PAPPA2: variants seen among roughly 807,000 people sequenced by gnomAD.
PAPPA2 encodes pappalysin 2.
PAPPA2 carries 86 observed loss-of-function variants against 176.4 expected under a neutral mutation model. The observed-to-expected ratio is 0.49, with a 90% CI of 0.41 to 0.58. The LOEUF is 0.58. PAPPA2 is among the 20% of genes least tolerant of loss of function. The pLI is 0.00. For synonymous variants in PAPPA2, 809 were observed against 852.2 expected (o/e 0.95, Z 0.88); for missense variants, 2,073 against 2,256.9 (o/e 0.92, Z 1.65).
In PAPPA2 at chr1:176,715,262, C is replaced by T. The variant is rs143299737; in HGVS notation, c.3798+3281C>T. Among the ~76,000 whole-genome samples, 52 of 152,274 alleles carry T rather than the reference C, an allele frequency of 3.4e-4. 1 individual carries two copies. The highest frequency in any genetic ancestry group is 6.8e-3 in the Middle Eastern group (2 of 294). On this transcript the variant is annotated intron_variant, in intron 12 of 22. Coordinates refer to ENST00000367662, the MANE Select transcript of PAPPA2 (RefSeq NM_020318.3). ...ACTCTAGTTGCCAAGTTCCCAAGGT[C>T]GCAGCAAGGTAAATGGGATTCCACT...
intron 12 of PAPPA2, among the ~76,000 whole-genome samples, chr1:176,734,122 TAC>T (rs1267925284): frequency 1.3e-5 from 2 of 152,114 alleles, no homozygotes; most frequent in African/African-American, 2.4e-5. Context: ...CAGTATCCAA[TAC>T]AAATTTGACT....
intron 1 of PAPPA2, among the ~76,000 whole-genome samples, chr1:176,554,926 AG>A (rs905811218): frequency 1.2e-4 from 18 of 151,786 alleles, no homozygotes; most frequent in African/African-American, 4.1e-4. Flanking sequence ...GATCCCTAAA[AG>A]GTTAGTGTGG....
intron 4 of PAPPA2, among the ~76,000 whole-genome samples, chr1:176,673,616 T>G (rs1659131454): frequency 1.3e-5 from 2 of 152,132 alleles, no homozygotes; most frequent in African/African-American, 4.8e-5. Flanking sequence ...TTGATAAGAA[T>G]TGTTGGGCTG....
At chr1:176,614,363 A>G (rs1017845126) in intron 3 of PAPPA2, among the ~76,000 whole-genome samples, 8 of 152,210 alleles carry the variant, frequency 5.3e-5, no homozygotes, top group African/African-American at 1.9e-4. Context: ...TGGGCCACGT[A>G]CTGTCTTGTA....
In PAPPA2 at chr1:176,789,816, C is replaced by T. The variant is rs1050717020; in HGVS notation, c.4723C>T (p.Leu1575=). 1.9e-6 allele frequency: 3 copies of T among 1,613,438 alleles called. No individual in the cohort carries two copies. In the African/African-American group the frequency reaches 4.0e-5, roughly 22 times the overall value. ...TGTTTTATGTTTTATCAGCAAGCTC[C>T]TGAAGATACAATGCCTGGAAGGTGG... The part of the protein sequence containing the change: ...SAEGKVRNKL[L]KIQCLEGGIW... Residue 1575 remains leucine, a synonymous_variant, in exon 18 of 23, where the codon CTG becomes TTG. Coordinates refer to ENST00000367662, the MANE Select transcript of PAPPA2 (RefSeq NM_020318.3).
chr1:176,767,693 G>T (rs1005352735), intron 15 of PAPPA2, among the ~76,000 whole-genome samples: 1 of 152,172 alleles, frequency 6.6e-6, no homozygotes, highest in African/African-American at 2.4e-5. Flanking sequence ...GTTAGAGCCA[G>T]ACTTGCAGGC....
chr1:176,580,242 T>C (rs555044593), intron 2 of PAPPA2, among the ~76,000 whole-genome samples: 1 of 152,340 alleles, frequency 6.6e-6, no homozygotes, highest in East Asian at 1.9e-4. Context: ...CTTCTGCATA[T>C]GAATGAGAAC....
chr1:176,535,216 G>T (rs1650007081), intron 1 of PAPPA2, among the ~76,000 whole-genome samples: 1 of 152,152 alleles, frequency 6.6e-6, no homozygotes, highest in African/African-American at 2.4e-5. Context: ...CTTACTGCTG[G>T]CTAGAATGTG....
intron 4 of PAPPA2, among the ~76,000 whole-genome samples, chr1:176,681,884 T>C (rs1201353745): frequency 6.6e-6 from 1 of 152,152 alleles, no homozygotes; most frequent in Non-Finnish European, 1.5e-5. Context: ...GTGAGCGGTC[T>C]GTGAATGTTC....
intron 3 of PAPPA2, among the ~76,000 whole-genome samples, chr1:176,605,302 T>A (rs1430827940): frequency 6.6e-6 from 1 of 152,204 alleles, no homozygotes; most frequent in Non-Finnish European, 1.5e-5. Context: ...GGCACTTTAG[T>A]TAGGATTTTG....
At chr1:176,530,707 T>G (rs1649761897) in intron 1 of PAPPA2, among the ~76,000 whole-genome samples, 1 of 152,154 alleles carries the variant, frequency 6.6e-6, no homozygotes, top group Admixed American at 6.5e-5. Flanking sequence ...TCTGTGGTCT[T>G]GGAAAAATCA....
At position 176,582,628 on chromosome 1, in the gene PAPPA2, G is replaced by GT. The variant is rs540260197; in HGVS notation, c.920-11887dup. On this transcript the variant is annotated intron_variant, in intron 2 of 22. Coordinates refer to ENST00000367662, the MANE Select transcript of PAPPA2 (RefSeq NM_020318.3). Reference sequence around the variant, plus strand: ...TGAATCCCACTTGATCATAGTGTATGTTTTTTTTTATGTGCTGTTAGATTT... The same window carrying GT: ...TGAATCCCACTTGATCATAGTGTATGTTTTTTTTTTATGTGCTGTTAGATTT... 1.9e-4 allele frequency among the ~76,000 whole-genome samples: 28 copies of GT among 144,706 alleles called. No homozygotes were observed. In the East Asian group the frequency reaches 2.1e-3, roughly 11 times the overall value. The allele number at this position is 144,706 out of a possible 152,430, so 94.9% of individuals were successfully genotyped here.
chr1:176,527,100 C>T (rs992011034), intron 1 of PAPPA2, among the ~76,000 whole-genome samples: 1 of 152,182 alleles, frequency 6.6e-6, no homozygotes, highest in Non-Finnish European at 1.5e-5. Context: ...GCATGAGCCA[C>T]TATGCGTGTC....
rs752394427 is a variant in PAPPA2, at chr1:176,595,090, C to T, written c.1486C>T (p.Pro496Ser). 6.2e-6 allele frequency: 10 copies of T among 1,614,136 alleles called. No homozygotes were observed. Among genetic ancestry groups the T allele is most frequent in the Non-Finnish European group, 8.5e-6 (10 of 1,180,018 alleles). Residue 496 changes from proline (P) to serine (S), a missense_variant, in exon 3 of 23, where the codon CCC (proline) becomes TCC (serine). Physicochemically the swap from Pro to Ser is moderately conservative, Grantham distance 74. Around this residue, in one of 4 missense-constraint regions of PAPPA2, gnomAD observed 1,196 missense variants for 1,330.4 expected, o/e 0.90. Coordinates refer to ENST00000367662, the MANE Select transcript of PAPPA2 (RefSeq NM_020318.3). ...GCCTGAGATTCTGTCGCCTTTGCAG[C>T]CCCCACTCTGTGGGCAAACAGTCTG... is the stretch of plus-strand genomic sequence containing the variant. ...PEPEILSPLQPPLCGQTVCDN... is the reference protein window; with the variant it reads ...PEPEILSPLQSPLCGQTVCDN...
Position 176,679,167 on chromosome 1 carries a change from C to A in PAPPA2, c.2137+8052C>A, listed in dbSNP as rs187153565. On this transcript the variant is annotated intron_variant, in intron 4 of 22. Coordinates refer to ENST00000367662, the MANE Select transcript of PAPPA2 (RefSeq NM_020318.3). ...TCCTCTGACTGACTCTTTCAATCTT[C>A]TTACTGAGTTGTTCTTCTGACGTTC... 1.9e-3 allele frequency among the ~76,000 whole-genome samples: 287 copies of A among 152,296 alleles called. 2 individuals are homozygous for A. Among genetic ancestry groups the A allele is most frequent in the African/African-American group, 6.9e-3 (285 of 41,572 alleles).
intron 14 of PAPPA2, among the ~76,000 whole-genome samples, chr1:176,748,494 T>G (rs1484225794): frequency 6.6e-6 from 1 of 152,198 alleles, no homozygotes; most frequent in Non-Finnish European, 1.5e-5. Flanking sequence ...GTCCAGATTT[T>G]TTCCCCTTAT....
At chr1:176,478,220 G>C (rs538514381) in intron 1 of PAPPA2, among the ~76,000 whole-genome samples, 138 of 152,336 alleles carry the variant, frequency 9.1e-4, no homozygotes, top group African/African-American at 3.2e-3. Context: ...TCTTTGTTAA[G>C]AATCCAGATT....
At chr1:176,799,905 G>A (rs1400640110) in intron 20 of PAPPA2, among the ~76,000 whole-genome samples, 156 bp from the exon 21 acceptor site, 1 of 152,172 alleles carries the variant, frequency 6.6e-6, no homozygotes, top group African/African-American at 2.4e-5. Flanking sequence ...GCACGGGAAA[G>A]GCTAGATAGC....
intron 4 of PAPPA2, among the ~76,000 whole-genome samples, chr1:176,676,569 A>C (rs1659310749): frequency 6.6e-6 from 1 of 152,116 alleles, no homozygotes; most frequent in Admixed American, 6.6e-5. Flanking sequence ...TCCAGGGTTT[A>C]AGAATGAGGA....
Sources: allele counts gnomAD v4.1 joint callset (sites outside exome capture counted in the v4.1 genomes callset), GRCh38; gene constraint gnomAD v4.1.1; regional missense constraint gnomAD v4.1.1; transcripts MANE v1.5; gene names NCBI Gene and HGNC (gene_info 2026-07-23, HGNC 2026-07-21).